The following CPS1 variants were observed in gnomAD, a reference collection of about 807,000 sequenced individuals.
CPS1 encodes carbamoyl-phosphate synthase 1, also known as carbamoyl-phosphate synthase [ammonia], mitochondrial.
CPS1 carries 109 observed loss-of-function variants against 174.6 expected under a neutral mutation model. The ratio of observed to expected loss-of-function variants is 0.62; its 90% CI spans 0.53 to 0.73. CPS1 has a LOEUF of 0.73. Ranked by LOEUF, CPS1 falls within the 30% of genes least tolerant of loss-of-function variation. The pLI is 0.00. For missense variants in CPS1, 1,689 were observed against 1,821.9 expected, an observed-to-expected ratio of 0.93 and a Z score of 1.33; for synonymous variants, 637 against 632.0, an observed-to-expected ratio of 1.01 and a Z score of -0.12.
At chr2:210,557,881 G>A (rs1696968616) in intron 1 of CPS1, among the ~76,000 whole-genome samples, 1 of 151,978 alleles carries the variant, frequency 6.6e-6, no homozygotes, top group African/African-American at 2.4e-5. Flanking sequence ...GGATTCAGTG[G>A]GGTTTTGGTC....
chr2:210,601,411 T>C (rs912683466), intron 15 of CPS1, among the ~76,000 whole-genome samples: 9 of 152,008 alleles, frequency 5.9e-5, no homozygotes, highest in African/African-American at 2.2e-4. Flanking sequence ...AAGCAGGTAC[T>C]GCTGGGACAA....
intron 33 of CPS1, among the ~76,000 whole-genome samples, chr2:210,663,781 C>G (rs1701000734): frequency 6.6e-6 from 1 of 152,016 alleles, no homozygotes; most frequent in South Asian, 2.1e-4. Context: ...AAATGTGTTT[C>G]TTGTAAAGAG....
At chr2:210,647,515 C>G (rs1700417095) in intron 25 of CPS1, among the ~76,000 whole-genome samples, 1 of 152,130 alleles carries the variant, frequency 6.6e-6, no homozygotes, top group Non-Finnish European at 1.5e-5. Context: ...AAGAAGAAAT[C>G]TGTATTCAGT....
intron 1 of CPS1, among the ~76,000 whole-genome samples, chr2:210,564,976 CAGAG>C (rs2106054886): frequency 6.6e-6 from 1 of 150,830 alleles, no homozygotes; most frequent in Non-Finnish European, 1.5e-5. Flanking sequence ...GCTTGGTCGA[CAGAG>C]AGATTTCATC....
At chr2:210,660,773 A>G in intron 32 of CPS1, 118 bp downstream of exon 32, 2 of 995,128 alleles carry the variant, frequency 2.0e-6, no homozygotes, top group Admixed American at 4.1e-5. Context: ...TGGACTAGGG[A>G]TTTACATTTC....
chr2:210,520,470 C>A (rs1489022179), intron 1 of CPS1, among the ~76,000 whole-genome samples: 1 of 152,014 alleles, frequency 6.6e-6, no homozygotes, highest in Non-Finnish European at 1.5e-5. Flanking sequence ...CCTTGTCCTC[C>A]ACCTCACGAT....
At chr2:210,547,353 A>G (rs1447598275) in intron 1 of CPS1, among the ~76,000 whole-genome samples, 1 of 152,122 alleles carries the variant, frequency 6.6e-6, no homozygotes, top group Non-Finnish European at 1.5e-5. Flanking sequence ...AAATGCAGAA[A>G]ATTCAGAGTT....
intron 23 of CPS1, among the ~76,000 whole-genome samples, chr2:210,639,680 G>C (rs1310601796): frequency 7.0e-6 from 1 of 143,040 alleles, no homozygotes; most frequent in Admixed American, 7.0e-5. Context: ...ATATGTTTCT[G>C]TACTCAGTCT....
At chr2:210,486,091 TAC>T (rs1217225722) in intron 1 of CPS1, among the ~76,000 whole-genome samples, 1 of 132,940 alleles carries the variant, frequency 7.5e-6, no homozygotes, top group East Asian at 2.3e-4. Context: ...TGTATATATA[TAC>T]ATATATATAT....
At chr2:210,536,976 T>C (rs1395664292) in intron 1 of CPS1, among the ~76,000 whole-genome samples, 1 of 152,194 alleles carries the variant, frequency 6.6e-6, no homozygotes, top group Non-Finnish European at 1.5e-5. Context: ...TGAAAGTCAC[T>C]CATGAATTTA....
At position 210,595,417 on chromosome 2, in the gene CPS1, C is replaced by T. The variant is rs192248544; in HGVS notation, c.1264-70C>T. ...ACTCAGACAATGTGGTTTGTCTTCTCCAATCTTGAAAATGCCTTATTTCCC... is the reference window on the plus strand; with the variant it reads ...ACTCAGACAATGTGGTTTGTCTTCTTCAATCTTGAAAATGCCTTATTTCCC... On this transcript the variant is annotated intron_variant, in intron 12 of 37. Coordinates refer to ENST00000233072, the MANE Select transcript of CPS1 (RefSeq NM_001875.5). 1.3e-3 allele frequency: 1,477 copies of T among 1,094,218 alleles called. 3 individuals are homozygous for T. Among genetic ancestry groups the T allele is most frequent in the Non-Finnish European group, 2.0e-3 (1,402 of 708,084 alleles). The allele number at this position is 1,094,218 out of a possible 1,614,324, so 67.8% of individuals were successfully genotyped here. A position where few individuals can be genotyped will look rare whatever the true frequency, so the allele number is the denominator to read the frequency against.
intron 1 of CPS1, among the ~76,000 whole-genome samples, chr2:210,507,954 C>T (rs202087005): frequency 3.3e-5 from 5 of 151,366 alleles, no homozygotes; most frequent in Admixed American, 2.0e-4. Context: ...CCACTGTCAA[C>T]ATTAGACAGA....
At position 210,650,441 on chromosome 2, in the gene CPS1, A is replaced by G. The variant is rs1700524640; in HGVS notation, c.3480+3A>G. On this transcript the variant is annotated splice_donor_region_variant and intron_variant, in intron 28 of 37. Transcript: ENST00000233072. ...AAGAGGCGACTAGAGTTTCTCAGGT[A>G]GTGTCCAATTTCTTTGTAGTGACTG... 1 of 1,603,868 alleles carries G rather than the reference A, an allele frequency of 6.2e-7. No individual in the cohort carries two copies. Among genetic ancestry groups the G allele is most frequent in the East Asian group, 2.2e-5 (1 of 44,802 alleles).
At chr2:210,503,620 T>C (rs895776322) in intron 1 of CPS1, among the ~76,000 whole-genome samples, 29 of 152,162 alleles carry the variant, frequency 1.9e-4, no homozygotes, top group African/African-American at 6.0e-4. Flanking sequence ...TAAATCTTAG[T>C]TTGCCACCTT....
At chr2:210,643,004 A>G (rs940934981) in intron 25 of CPS1, among the ~76,000 whole-genome samples, 1 of 152,226 alleles carries the variant, frequency 6.6e-6, no homozygotes, top group African/African-American at 2.4e-5. Context: ...TATCTTGCAG[A>G]GTGATTGAAT....
chr2:210,638,910 GTTACTA>G, intron 22 of CPS1, among the ~76,000 whole-genome samples: 3 of 152,234 alleles, frequency 2.0e-5, no homozygotes, highest in Middle Eastern at 3.4e-3. Flanking sequence ...GTTCATGAGA[GTTACTA>G]TTACTACTAG....
rs1698239161 is a variant in CPS1, at chr2:210,590,097, CTT to C, written c.712-6_712-5del. ...TATTAAATTCATCATTCTTGTGTCT[CTT>C]TTCCAGCGAGGAGCTGAAGTGCACT... On this transcript the variant is annotated splice_polypyrimidine_tract_variant and splice_region_variant and intron_variant, in intron 7 of 37. Coordinates refer to ENST00000233072, the MANE Select transcript of CPS1 (RefSeq NM_001875.5). 6.2e-7 allele frequency: 1 copy of C among 1,612,474 alleles called. No homozygotes were observed. Among genetic ancestry groups the C allele is most frequent in the Admixed American group, 1.7e-5 (1 of 59,898 alleles).
chr2:210,538,081 T>C (rs1696306335), intron 1 of CPS1, among the ~76,000 whole-genome samples: 1 of 152,196 alleles, frequency 6.6e-6, no homozygotes, highest in Non-Finnish European at 1.5e-5. Flanking sequence ...GAATGATTCA[T>C]TATCTCTTCT....
rs2106107683 is a variant in CPS1, at chr2:210,590,162, T to C, written c.768T>C (p.Tyr256=). Residue 256 remains tyrosine, a synonymous_variant, in exon 8 of 38, where the codon TAT becomes TAC. Coordinates refer to ENST00000233072, the MANE Select transcript of CPS1 (RefSeq NM_001875.5). The stretch of plus-strand genomic sequence containing the variant: ...ACCATGATTTCACCAAGATGGAGTA[T>C]GATGGGATTTTGATCGCGGGAGGAC... ...PWNHDFTKME[Y]DGILIAGGPG... 3.7e-6 allele frequency: 6 copies of C among 1,612,942 alleles called. No homozygotes were observed. The highest frequency in any genetic ancestry group is 5.1e-6 in the Non-Finnish European group (6 of 1,179,222).
Sources: allele counts gnomAD v4.1 joint callset (sites outside exome capture counted in the v4.1 genomes callset), GRCh38; gene constraint gnomAD v4.1.1; transcripts MANE v1.5; gene names NCBI Gene and HGNC (gene_info 2026-07-23, HGNC 2026-07-21).